The following TACR1 variants were observed in gnomAD, a reference collection of about 807,000 sequenced individuals.
TACR1 encodes substance-P receptor.
In TACR1, 25 loss-of-function variants were observed where a neutral mutation model predicts 35.8. The observed-to-expected ratio is 0.70, with a 90% confidence interval of 0.51 to 0.98. TACR1 has a LOEUF of 0.98. Among genes scored for constraint, TACR1 ranks in the 50% least tolerant of loss-of-function variants. The probability of loss-of-function intolerance (pLI) is 0.00; values close to 1 mark genes in which losing one functional copy is unlikely to be tolerated. For missense variants in TACR1, 478 were observed against 522.9 expected, an observed-to-expected ratio of 0.91 and a Z score of 0.84; for synonymous variants, 195 against 206.7, an observed-to-expected ratio of 0.94 and a Z score of 0.48.
chr2:75,115,929 G>A (rs201538091), intron 2 of TACR1, among the ~76,000 whole-genome samples: 2,365 of 83,856 alleles, frequency 0.028, 57 homozygotes, highest in African/African-American at 0.1. Context: ...AAAAAAAAAA[G>A]AGAAGCTCTT....
At chr2:75,195,311 G>C (rs1185823331) in intron 1 of TACR1, among the ~76,000 whole-genome samples, 1 of 151,816 alleles carries the variant, frequency 6.6e-6, no homozygotes, top group Non-Finnish European at 1.5e-5. Flanking sequence ...TCTTTCTAAT[G>C]GAGATATTTC....
intron 1 of TACR1, among the ~76,000 whole-genome samples, chr2:75,148,352 C>G (rs1330006174): frequency 1.3e-5 from 2 of 152,172 alleles, no homozygotes; most frequent in East Asian, 3.8e-4. Flanking sequence ...TAAAAGCATT[C>G]CTATTTCTCC....
At chr2:75,142,880 T>C (rs1194866417) in intron 1 of TACR1, among the ~76,000 whole-genome samples, 1 of 152,200 alleles carries the variant, frequency 6.6e-6, no homozygotes, top group Non-Finnish European at 1.5e-5. Context: ...TCTATACTTT[T>C]AATAAGCTCC....
rs1189945624 is a variant in TACR1 at position 75,070,215 on chromosome 2, ATGTATGTGTGTGTG to A, written c.585-16474_585-16461del. 6.2e-4 allele frequency among the ~76,000 whole-genome samples: 58 copies of A among 92,944 alleles called. No homozygotes were observed. The South Asian group carries it at 0.021, about 34-fold the overall frequency. 61.0% of individuals were successfully genotyped at this position (92,944 alleles called of 152,430 possible). On this transcript the variant is annotated intron_variant, in intron 2 of 4. Transcript: ENST00000305249. ...TCAATTGACCTACCCCCAACATTGT[ATGTATGTGTGTGTG>A]TGTATGTGTGTGTGTGTGTGTGTAT... is the stretch of plus-strand genomic sequence containing the variant.
chr2:75,151,717 C>T (rs1027764721), intron 1 of TACR1, among the ~76,000 whole-genome samples: 2 of 152,230 alleles, frequency 1.3e-5, no homozygotes, highest in Middle Eastern at 3.4e-3. Context: ...AGAAGAGGGC[C>T]ACCATCCTCC....
chr2:75,073,469 G>A (rs906512747), intron 2 of TACR1, among the ~76,000 whole-genome samples: 1 of 152,226 alleles, frequency 6.6e-6, no homozygotes, highest in Non-Finnish European at 1.5e-5. Flanking sequence ...CATGAGGTTG[G>A]AATTGGCTGG....
At chr2:75,116,349 C>T (rs762418387) in intron 2 of TACR1, among the ~76,000 whole-genome samples, 1 of 152,150 alleles carries the variant, frequency 6.6e-6, no homozygotes, top group African/African-American at 2.4e-5. Context: ...ATCTACCTGC[C>T]TGGGCCTCCC....
chr2:75,190,380 G>C (rs1279179022), intron 1 of TACR1, among the ~76,000 whole-genome samples: 1 of 152,130 alleles, frequency 6.6e-6, no homozygotes, highest in Non-Finnish European at 1.5e-5. Context: ...TTCCAAAGAT[G>C]GAAAGAATGT....
intron 1 of TACR1, among the ~76,000 whole-genome samples, chr2:75,158,544 G>C (rs1177030657): frequency 6.6e-6 from 1 of 152,216 alleles, no homozygotes; most frequent in African/African-American, 2.4e-5. Context: ...GAATCTGTTA[G>C]TAGTTAGCAG....
In TACR1 at chr2:75,049,632, G is replaced by A. The variant is rs368651206; in HGVS notation, c.1024C>T (p.Leu342Phe). 2 of 1,614,068 alleles carry A rather than the reference G, an allele frequency of 1.2e-6. No individual in the cohort carries two copies. Among genetic ancestry groups the A allele is most frequent in the African/African-American group, 1.3e-5 (1 of 74,940 alleles). The change falls in exon 5 of 5, where the codon CTC becomes TTC. Residue 342 changes from leucine to phenylalanine, a missense_variant. By Grantham distance (22) the Leu-to-Phe change is conservative. Coordinates refer to ENST00000305249, the MANE Select transcript of TACR1 (RefSeq NM_001058.4). Reference protein sequence around the residue: ...EGLEMKSTRYLQTQGSVYKVS... With the variant: ...EGLEMKSTRYFQTQGSVYKVS... The stretch of plus-strand genomic sequence containing the variant: ...TTGTACACACTGCCCTGGGTCTGGA[G>A]ATACCGGGTGGATTTCATTTCCAGC...
In TACR1 at chr2:75,183,998, A is replaced by G. The variant is rs141767208; in HGVS notation, c.389+14548T>C. ...GCCAACAGAATTTTAGAAAACAGTTATTTCACTTATTCATGGCCCTAAACC... is the reference window on the plus strand; with the variant it reads ...GCCAACAGAATTTTAGAAAACAGTTGTTTCACTTATTCATGGCCCTAAACC... On this transcript the variant is annotated intron_variant, in intron 1 of 4. Coordinates refer to ENST00000305249, the MANE Select transcript of TACR1 (RefSeq NM_001058.4). Among the ~76,000 whole-genome samples, 10 of 152,322 alleles carry G rather than the reference A, an allele frequency of 6.6e-5. No individual in the cohort carries two copies. The East Asian group carries it at 1.5e-3, about 23-fold the overall frequency.
intron 1 of TACR1, among the ~76,000 whole-genome samples, chr2:75,173,108 A>G (rs545528282): frequency 3.9e-5 from 6 of 152,282 alleles, no homozygotes; most frequent in Middle Eastern, 3.4e-3. Flanking sequence ...AATTCAACCC[A>G]TAACAGTGCT....
chr2:75,147,403 G>A (rs1674535544), intron 1 of TACR1, among the ~76,000 whole-genome samples: 1 of 152,114 alleles, frequency 6.6e-6, no homozygotes, highest in African/African-American at 2.4e-5. Context: ...TCCCTATAAA[G>A]TGTATTTTTA....
intron 2 of TACR1, among the ~76,000 whole-genome samples, chr2:75,068,906 A>G (rs1448316270): frequency 6.6e-6 from 1 of 152,190 alleles, no homozygotes; most frequent in Non-Finnish European, 1.5e-5. Flanking sequence ...TGGCATACAT[A>G]CTTTTTAAAA....
At chr2:75,175,734 C>T (rs1000010907) in intron 1 of TACR1, among the ~76,000 whole-genome samples, 1 of 152,076 alleles carries the variant, frequency 6.6e-6, no homozygotes, top group Non-Finnish European at 1.5e-5. Flanking sequence ...ATCTCAATAT[C>T]CTTAGCTTAA....
At chr2:75,136,466 A>C (rs1674292462) in intron 1 of TACR1, among the ~76,000 whole-genome samples, 1 of 152,158 alleles carries the variant, frequency 6.6e-6, no homozygotes, top group Non-Finnish European at 1.5e-5. Flanking sequence ...TCACCTCTTC[A>C]TTGAGTCTTA....
chr2:75,107,772 A>T (rs552354528), intron 2 of TACR1, among the ~76,000 whole-genome samples: 5 of 152,022 alleles, frequency 3.3e-5, no homozygotes, highest in Non-Finnish European at 5.9e-5. Flanking sequence ...AAAATAAATG[A>T]ACTGAGTATT....
intron 1 of TACR1, among the ~76,000 whole-genome samples, chr2:75,195,576 T>G (rs1020056527): frequency 6.6e-6 from 1 of 152,244 alleles, no homozygotes. Context: ...CAACAATTCC[T>G]TTAAAAATCC....
chr2:75,135,241 C>A (rs978090424), intron 1 of TACR1, among the ~76,000 whole-genome samples: 3 of 152,190 alleles, frequency 2.0e-5, no homozygotes, highest in Admixed American at 6.5e-5. Flanking sequence ...GCTACTTAAT[C>A]TTTCTTAAAG....
Sources: allele counts gnomAD v4.1 joint callset (sites outside exome capture counted in the v4.1 genomes callset), GRCh38; gene constraint gnomAD v4.1.1; transcripts MANE v1.5; gene names NCBI Gene and HGNC (gene_info 2026-07-23, HGNC 2026-07-21).